Variants in SORBS2 observed in about 807,000 individuals in gnomAD.
SORBS2 encodes the protein sorbin and SH3 domain containing 2.
SORBS2 carries 46 observed loss-of-function variants against 97.7 expected under a neutral mutation model. The ratio of observed to expected loss-of-function variants is 0.47; its 90% confidence interval spans 0.37 to 0.60. The LOEUF (loss-of-function observed/expected upper bound fraction) is 0.60, where lower values mean the gene tolerates loss of function less well. Among genes scored for constraint, SORBS2 ranks in the 20% least tolerant of loss-of-function variants. SORBS2 has a pLI of 0.00. For missense variants in SORBS2, 1,316 were observed against 1,282.3 expected (o/e 1.03, Z -0.40); for synonymous variants, 476 against 473.4 (o/e 1.01, Z -0.07).
intron 1 of SORBS2, among the ~76,000 whole-genome samples, chr4:185,851,395 A>G (rs1376118555): frequency 1.3e-5 from 2 of 152,176 alleles, no homozygotes; most frequent in Non-Finnish European, 2.9e-5. Context: ...ATATAATAAT[A>G]TGATTATAAA....
chr4:185,646,852 ATC>A, intron 3 of SORBS2, 70 bp from the exon 13 acceptor site: 1 of 910,100 alleles, frequency 1.1e-6, no homozygotes, highest in Non-Finnish European at 1.8e-6. Flanking sequence ...AAAACCAGTT[ATC>A]TGTTTTCAAC....
At chr4:185,942,273 C>T (rs2099272384) in intron 1 of SORBS2, among the ~76,000 whole-genome samples, 1 of 152,198 alleles carries the variant, frequency 6.6e-6, no homozygotes, top group South Asian at 2.1e-4. Flanking sequence ...CCCCCCATAG[C>T]CCACTTAGGA....
At chr4:185,711,931 G>A (rs1339778291) in intron 2 of SORBS2, among the ~76,000 whole-genome samples, 15 of 152,072 alleles carry the variant, frequency 9.9e-5, no homozygotes, top group Admixed American at 8.5e-4. Context: ...TCTATCAAGA[G>A]CATCACCATT....
chr4:185,606,618 C>A lies in SORBS2; in HGVS notation c.2796+5162G>T. 2.0e-6 allele frequency: 2 copies of A among 985,230 alleles called. No homozygotes were observed. The highest frequency in any genetic ancestry group is 2.4e-6 in the Non-Finnish European group (2 of 829,888). 61.0% of individuals were successfully genotyped at this position (985,230 alleles called of 1,614,324 possible). A position where few individuals can be genotyped will look rare whatever the true frequency, so the allele number is the denominator to read the frequency against. ...TGGGTTTTGCTGCATTGCTGTCCTC[C>A]TTGGGGGTCCTAGGATCTGTGGGGG... On this transcript the variant is annotated intron_variant, in intron 12 of 14. Coordinates refer to ENST00000418609, the Ensembl canonical transcript of SORBS2. The surrounding 1 kb of genome is among the most constrained non-coding windows in gnomAD (Gnocchi z 4.3).
At chr4:185,634,445 C>T (rs1169452371) in intron 4 of SORBS2, among the ~76,000 whole-genome samples, 2 of 152,068 alleles carry the variant, frequency 1.3e-5, no homozygotes, top group African/African-American at 4.8e-5. Flanking sequence ...CGTTCCCATG[C>T]TAGTTGCTTC....
chr4:185,620,031 G>A, intron 8 of SORBS2, 32 bp downstream of exon 20: 3 of 1,333,258 alleles, frequency 2.3e-6, no homozygotes, highest in Admixed American at 1.7e-5. Context: ...GTGTGTTGCT[G>A]TGAAAGACTC....
intron 1 of SORBS2, chr4:185,918,306 C>A (rs545154792): frequency 6.6e-6 from 1 of 151,932 alleles, no homozygotes; most frequent in African/African-American, 2.4e-5. Context: ...TTTTTTTGTT[C>A]GTACGTTTTC....
intron 2 of SORBS2, among the ~76,000 whole-genome samples, chr4:185,764,719 G>A (rs2098924074): frequency 1.3e-5 from 2 of 152,102 alleles, no homozygotes; most frequent in African/African-American, 2.4e-5. Context: ...AGCAAATAGA[G>A]GGAAAGATGT....
rs763401875 is a variant in SORBS2 at position 185,858,230 on chromosome 4, G to T, written c.-337-82864C>A. 2.0e-5 allele frequency among the ~76,000 whole-genome samples: 3 copies of T among 152,124 alleles called. No homozygotes were observed. The East Asian group carries it at 5.8e-4, about 29-fold the overall frequency. On this transcript the variant is annotated intron_variant, in intron 1 of 20. Transcript: ENST00000284776. ...AACCTACGTTGAAATATTGGGGGCT[G>T]GTTCCCCCAGTAGTTGGCTTTATAG...
chr4:185,740,028 A>C (rs1345405612), intron 2 of SORBS2: 1 of 152,682 alleles, frequency 6.5e-6, no homozygotes, highest in Admixed American at 6.5e-5. Context: ...CTCCCATGGT[A>C]AAATGAGAGC....
chr4:185,926,709 A>G (rs750989274), intron 1 of SORBS2, among the ~76,000 whole-genome samples: 7 of 152,246 alleles, frequency 4.6e-5, no homozygotes, highest in Admixed American at 1.3e-4. Flanking sequence ...CTTTGCCCAT[A>G]TCTCTGTTTA....
chr4:185,730,738 A>G (rs72702092), intron 2 of SORBS2, among the ~76,000 whole-genome samples: 4,534 of 152,328 alleles, frequency 0.03, 68 homozygotes, highest in Middle Eastern at 0.044. Flanking sequence ...CAGCCCCTAG[A>G]GTCCCAGAGG....
upstream of SORBS2, among the ~76,000 whole-genome samples, chr4:185,661,501 G>T (rs2097521623): frequency 6.6e-6 from 1 of 152,140 alleles, no homozygotes; most frequent in Admixed American, 6.5e-5. Context: ...CTAGTCCTCA[G>T]AGGGTTGAGA....
chr4:185,847,170 A>G (rs1467946812), intron 1 of SORBS2, among the ~76,000 whole-genome samples: 1 of 152,220 alleles, frequency 6.6e-6, no homozygotes, highest in Non-Finnish European at 1.5e-5. Flanking sequence ...GAGTATTCCC[A>G]TCATAATGTA....
At position 185,937,588 on chromosome 4, in the gene SORBS2, A is replaced by G. The variant is rs77748290; in HGVS notation, c.-338+18608T>C. ...CCTCTAGGTCTGTCCTCCTGCCCCA[A>G]AGTGATGAAAGATGCATTTAGCAGG... On this transcript the variant is annotated intron_variant, in intron 1 of 20. Transcript: ENST00000284776. 5.9e-3 allele frequency among the ~76,000 whole-genome samples: 900 copies of G among 152,196 alleles called. 9 individuals are homozygous for G. Among genetic ancestry groups the G allele is most frequent in the African/African-American group, 0.021 (862 of 41,484 alleles).
intron 4 of SORBS2, among the ~76,000 whole-genome samples, chr4:185,637,507 G>T (rs1216109851): frequency 6.6e-6 from 1 of 152,242 alleles, no homozygotes; most frequent in Non-Finnish European, 1.5e-5. Flanking sequence ...GTATATTATA[G>T]TGAGAACTGC....
In SORBS2 at chr4:185,623,575, C is replaced by T. The variant is rs746965456; in HGVS notation, c.1554G>A (p.Glu518=). 2.0e-5 allele frequency: 33 copies of T among 1,613,966 alleles called. No individual in the cohort carries two copies. Among genetic ancestry groups the T allele is most frequent in the Non-Finnish European group, 2.4e-5 (28 of 1,180,032 alleles). ...CACTTTCACTGCAGAAGGATGACCC[C>T]TCTAGGTGAATGTAGTCACTGTGGT... The change falls in exon 7 of 15, where the codon GAG becomes GAA. Residue 518 remains glutamate, a synonymous_variant. Coordinates refer to ENST00000418609, the Ensembl canonical transcript of SORBS2. This position sits in a 1 kb window ranked among gnomAD's most constrained non-coding sequence, Gnocchi z 6.4.
intron 1 of SORBS2, among the ~76,000 whole-genome samples, chr4:185,894,570 A>G (rs1007560114): frequency 1.3e-5 from 2 of 152,136 alleles, no homozygotes; most frequent in Non-Finnish European, 2.9e-5. Context: ...TGAAGACTTG[A>G]CCAGCCGTGT....
intron 6 of SORBS2, among the ~76,000 whole-genome samples, chr4:185,626,385 A>T (rs183679689): frequency 7.9e-5 from 12 of 152,338 alleles, no homozygotes; most frequent in East Asian, 1.9e-4. Context: ...TCTAGAATTG[A>T]ATAATTTTTT....
Sources: allele counts gnomAD v4.1 joint callset (sites outside exome capture counted in the v4.1 genomes callset), GRCh38; gene constraint gnomAD v4.1.1; non-coding constraint Gnocchi (gnomAD v3.1); transcripts MANE v1.5; gene names NCBI Gene and HGNC (gene_info 2026-07-23, HGNC 2026-07-21).